Variants in DLG2 observed in about 807,000 individuals in gnomAD.
The protein encoded by DLG2 is discs large MAGUK scaffold protein 2.
DLG2 carries 45 observed loss-of-function variants against 132.5 expected under a neutral mutation model. The observed-to-expected ratio is 0.34, with a 90% CI of 0.27 to 0.44. The LOEUF (loss-of-function observed/expected upper bound fraction) is 0.44, where lower values mean the gene tolerates loss of function less well. DLG2 is among the 20% of genes least tolerant of loss of function. The pLI is 1.00. For synonymous variants in DLG2, 424 were observed against 419.6 expected (o/e 1.01, Z -0.13); for missense variants, 1,045 against 1,196.9 (o/e 0.87, Z 1.87).
At chr11:84,214,222 C>CATATATACATACATATATATATGAATAT (rs2096799561) in intron 8 of DLG2, among the ~76,000 whole-genome samples, 1 of 131,294 alleles carries the variant, frequency 7.6e-6, no homozygotes, top group Non-Finnish European at 1.5e-5. Context: ...TATATGAATA[C>CATATATACATACATATATATATGAATAT]ATATATACAT....
chr11:83,678,396 C>T (rs948689058), intron 18 of DLG2, among the ~76,000 whole-genome samples: 1 of 152,158 alleles, frequency 6.6e-6, no homozygotes, highest in Non-Finnish European at 1.5e-5. Flanking sequence ...AGCAGAAGCT[C>T]CCAGTCCTGG....
chr11:85,356,218 G>A (rs2152891233), intron 3 of DLG2, among the ~76,000 whole-genome samples: 1 of 152,264 alleles, frequency 6.6e-6, no homozygotes, highest in Admixed American at 6.5e-5. Context: ...AGCTGCTATA[G>A]CTCATAGTAA....
At chr11:83,530,128 C>T (rs889131537) in intron 21 of DLG2, among the ~76,000 whole-genome samples, 2 of 151,908 alleles carry the variant, frequency 1.3e-5, no homozygotes, top group African/African-American at 4.8e-5. Flanking sequence ...CCATCTATCT[C>T]AAACAAATAA....
chr11:84,327,332 C>G (rs909034688), intron 7 of DLG2, among the ~76,000 whole-genome samples: 1 of 152,016 alleles, frequency 6.6e-6, no homozygotes, highest in African/African-American at 2.4e-5. Flanking sequence ...ATCCACCCGC[C>G]TTGGCCTCCC....
chr11:84,248,765 G>T (rs531726663), intron 8 of DLG2, among the ~76,000 whole-genome samples: 1 of 152,202 alleles, frequency 6.6e-6, no homozygotes, highest in South Asian at 2.1e-4. Flanking sequence ...TACTCGGGAG[G>T]CTGAGGCAAG....
chr11:83,624,460 T>C (rs1035217680), intron 19 of DLG2, among the ~76,000 whole-genome samples: 9 of 152,222 alleles, frequency 5.9e-5, no homozygotes, highest in Non-Finnish European at 1.3e-4. Flanking sequence ...CAATTAAGGA[T>C]ACAACTAAAA....
chr11:83,599,792 T>C (rs1594213617), intron 19 of DLG2, among the ~76,000 whole-genome samples: 1 of 152,228 alleles, frequency 6.6e-6, no homozygotes, highest in South Asian at 2.1e-4. Flanking sequence ...GCTCTCATTA[T>C]CCTATCTGTA....
intron 3 of DLG2, among the ~76,000 whole-genome samples, chr11:85,359,621 A>C (rs775124661): frequency 6.6e-6 from 1 of 152,180 alleles, no homozygotes; most frequent in Non-Finnish European, 1.5e-5. Flanking sequence ...TGCACAACAA[A>C]TAATTGTTTA....
intron 6 of DLG2, among the ~76,000 whole-genome samples, chr11:84,702,406 A>G (rs1413585324): frequency 6.6e-6 from 1 of 151,670 alleles, no homozygotes. Context: ...TACTGTGCAA[A>G]TGGACTTAAA....
chr11:83,497,529 C>A (rs57477484), intron 21 of DLG2, among the ~76,000 whole-genome samples: 16 of 150,798 alleles, frequency 1.1e-4, no homozygotes, highest in African/African-American at 2.9e-4. Context: ...AGAGAGACTT[C>A]GTCTCAAAAA....
At chr11:83,897,206 T>C (rs1278594994) in intron 15 of DLG2, among the ~76,000 whole-genome samples, 1 of 152,168 alleles carries the variant, frequency 6.6e-6, no homozygotes, top group African/African-American at 2.4e-5. Context: ...CATCCAACAG[T>C]GTGGATGTGA....
intron 3 of DLG2, among the ~76,000 whole-genome samples, chr11:85,388,649 C>A (rs1596781444): frequency 6.6e-6 from 1 of 152,158 alleles, no homozygotes; most frequent in Admixed American, 6.5e-5. Context: ...AGCTGAGAGA[C>A]CTGAAGACAG....
At chr11:85,333,340 G>C (rs972740274) in intron 3 of DLG2, among the ~76,000 whole-genome samples, 1 of 152,158 alleles carries the variant, frequency 6.6e-6, no homozygotes, top group African/African-American at 2.4e-5. Flanking sequence ...GATCTTCTTG[G>C]CAGAGACTAT....
chr11:85,581,639 A>G (rs1393040745), intron 3 of DLG2, among the ~76,000 whole-genome samples: 5 of 151,912 alleles, frequency 3.3e-5, no homozygotes, highest in African/African-American at 1.2e-4. Context: ...AAAACAAACA[A>G]ACAAACAACA....
chr11:84,235,750 T>C (rs1598076048), intron 8 of DLG2, among the ~76,000 whole-genome samples: 1 of 152,206 alleles, frequency 6.6e-6, no homozygotes, highest in East Asian at 1.9e-4. Context: ...AAATTAACTT[T>C]TATTACAACT....
intron 14 of DLG2, among the ~76,000 whole-genome samples, chr11:83,958,266 A>G (rs1021698397): frequency 1.3e-5 from 2 of 152,168 alleles, no homozygotes; most frequent in Non-Finnish European, 2.9e-5. Context: ...CTCCAGACTG[A>G]TGAGATTATG....
intron 8 of DLG2, among the ~76,000 whole-genome samples, chr11:84,170,403 G>A (rs1002796238): frequency 2.0e-5 from 3 of 152,146 alleles, no homozygotes; most frequent in Non-Finnish European, 1.5e-5. Flanking sequence ...GTGAAATATG[G>A]TTCCTGCCCT....
At chr11:84,520,974 T>C (rs1387043536) in intron 7 of DLG2, among the ~76,000 whole-genome samples, 1 of 152,206 alleles carries the variant, frequency 6.6e-6, no homozygotes. Flanking sequence ...TGGGAAAGCA[T>C]CCCATAGAGA....
chr11:84,118,044 A>C (rs2154198695), intron 9 of DLG2, among the ~76,000 whole-genome samples: 1 of 152,040 alleles, frequency 6.6e-6, no homozygotes, highest in South Asian at 2.1e-4. Context: ...TTTAGTAGAG[A>C]CGGGGTTTCA....
Sources: gnomAD v4.1 joint callset for allele counts (sites outside exome capture counted in the v4.1 genomes callset) on GRCh38, gnomAD v4.1.1 for gene constraint, MANE v1.5 for transcripts, NCBI Gene and HGNC (gene_info 2026-07-23, HGNC 2026-07-21) for gene names.